The following CHLSN variants were observed in gnomAD, a reference collection of about 807,000 sequenced individuals.
The protein encoded by CHLSN is protein cholesin.
chr7:1,039,000 G>A, the CHLSN span, among the ~76,000 whole-genome samples: 1 of 74,768 alleles, frequency 1.3e-5, no homozygotes, highest in Non-Finnish European at 2.9e-5. Context: ...CCCCGTCCGG[G>A]AGGGAGGTGG....
chr7:1,034,478 A>G, the CHLSN span, among the ~76,000 whole-genome samples: 1 of 152,206 alleles, frequency 6.6e-6, no homozygotes. Flanking sequence ...CAGCGCTGAA[A>G]TACGATGACT....
the CHLSN span, among the ~76,000 whole-genome samples, chr7:1,131,329 C>T: frequency 3.9e-5 from 6 of 152,090 alleles, no homozygotes; most frequent in Admixed American, 1.3e-4. Flanking sequence ...AAATACCCCT[C>T]GCTGTGAAAA....
the CHLSN span, chr7:1,000,551 T>C: frequency 1.2e-6 from 2 of 1,603,644 alleles, no homozygotes; most frequent in Non-Finnish European, 1.7e-6. Context: ...TTTGGGCCCA[T>C]CTAGGGAAAG....
the CHLSN span, among the ~76,000 whole-genome samples, chr7:1,072,530 T>C: frequency 6.6e-6 from 1 of 152,238 alleles, no homozygotes; most frequent in African/African-American, 2.4e-5. Context: ...GATCATTGCA[T>C]CTGAGACACA....
the CHLSN span, among the ~76,000 whole-genome samples, chr7:1,016,993 CGCACAGGA>C: frequency 1.4e-5 from 2 of 146,214 alleles, no homozygotes; most frequent in African/African-American, 5.2e-5. Context: ...CGCACAGCAG[CGCACAGGA>C]GCACACAGCA....
At chr7:1,090,336 T>C in the CHLSN span, among the ~76,000 whole-genome samples, 11 of 152,192 alleles carry the variant, frequency 7.2e-5, no homozygotes, top group African/African-American at 2.4e-4. Flanking sequence ...GAGACCCCCG[T>C]GGCCCGCTGC....
the CHLSN span, chr7:984,997 ACGGTG>A: frequency 6.2e-7 from 1 of 1,610,788 alleles, no homozygotes; most frequent in Non-Finnish European, 8.5e-7. Flanking sequence ...CCGCCAGTTC[ACGGTG>A]CGTGCCCTGC....
At chr7:1,050,216 G>A in the CHLSN span, among the ~76,000 whole-genome samples, 1 of 152,200 alleles carries the variant, frequency 6.6e-6, no homozygotes, top group Non-Finnish European at 1.5e-5. Context: ...CCTGTGGGCA[G>A]TGACTCCTCA....
At chr7:1,008,015 C>T in the CHLSN span, among the ~76,000 whole-genome samples, 11 of 152,176 alleles carry the variant, frequency 7.2e-5, no homozygotes, top group Non-Finnish European at 5.9e-5. Flanking sequence ...CTGAGAGCAG[C>T]GGAAGGTGCT....
the CHLSN span, chr7:1,127,308 C>T: frequency 6.2e-7 from 1 of 1,611,854 alleles, no homozygotes; most frequent in Non-Finnish European, 8.5e-7. Flanking sequence ...CCAGCAGTGG[C>T]CCCTCTGCTG....
the CHLSN span, among the ~76,000 whole-genome samples, chr7:1,068,031 C>A: frequency 6.6e-6 from 1 of 152,320 alleles, no homozygotes; most frequent in South Asian, 2.1e-4. Flanking sequence ...GACGCTGCAG[C>A]ACACGCTGCG....
At chr7:980,070 G>A in the CHLSN span, among the ~76,000 whole-genome samples, 1 of 152,228 alleles carries the variant, frequency 6.6e-6, no homozygotes, top group Non-Finnish European at 1.5e-5. Flanking sequence ...AGGGAGAAGC[G>A]CAGTGTTACG....
the CHLSN span, chr7:1,057,486 C>A: frequency 1.4e-6 from 1 of 735,680 alleles, no homozygotes; most frequent in South Asian, 1.5e-5. Flanking sequence ...TTCCTTCTTT[C>A]CGCAGGGTCG....
the CHLSN span, among the ~76,000 whole-genome samples, chr7:1,094,512 A>T: frequency 8.4e-3 from 1,277 of 152,374 alleles, 14 homozygotes; most frequent in African/African-American, 0.03. Context: ...AAACATCTGC[A>T]AAAGAGCAGG....
the CHLSN span, among the ~76,000 whole-genome samples, chr7:1,036,743 G>A: frequency 1.3e-5 from 2 of 149,222 alleles, no homozygotes; most frequent in African/African-American, 4.8e-5. Flanking sequence ...GAGGATCGGG[G>A]TGGGGAGACC....
At chr7:1,136,597 CATATATAAAT>C in the CHLSN span, among the ~76,000 whole-genome samples, 44 of 139,302 alleles carry the variant, frequency 3.2e-4, no homozygotes, top group African/African-American at 1.1e-3. Context: ...CATATATAAA[CATATATAAAT>C]ATATATAAAT....
the CHLSN span, among the ~76,000 whole-genome samples, chr7:1,073,192 C>G: frequency 1.3e-5 from 2 of 152,048 alleles, no homozygotes; most frequent in Non-Finnish European, 2.9e-5. Flanking sequence ...TTCTCACCCA[C>G]TCTGCAGCTT....
the CHLSN span, among the ~76,000 whole-genome samples, chr7:1,011,756 C>G: frequency 2.0e-5 from 3 of 152,064 alleles, no homozygotes; most frequent in Admixed American, 2.0e-4. Flanking sequence ...TACACACACG[C>G]CAACACACCC....
chr7:1,057,545 A>G, the CHLSN span: 3 of 773,798 alleles, frequency 3.9e-6, no homozygotes, highest in Non-Finnish European at 7.2e-6. Context: ...TCAACGGCAC[A>G]GGGCTGGTGG....
Sources: allele counts gnomAD v4.1 joint callset (sites outside exome capture counted in the v4.1 genomes callset), GRCh38; gene constraint gnomAD v4.1.1; transcripts MANE v1.5; gene names NCBI Gene and HGNC (gene_info 2026-07-23, HGNC 2026-07-21).